MEGF11: variants seen among roughly 807,000 people sequenced by gnomAD.
The protein encoded by MEGF11 is multiple EGF like domains 11.
Under a neutral mutation model 146.6 loss-of-function variants are expected in MEGF11, and 126 were observed. The observed-to-expected ratio is 0.86, with a 90% CI of 0.74 to 1.00. The LOEUF (loss-of-function observed/expected upper bound fraction) is 1.00, where lower values mean the gene tolerates loss of function less well. Among genes scored for constraint, MEGF11 ranks in the 50% least tolerant of loss-of-function variants. The pLI, the probability that MEGF11 is intolerant of heterozygous loss-of-function variation, is 0.00. For missense variants in MEGF11, 1,509 were observed against 1,521.2 expected (o/e 0.99, Z 0.13); for synonymous variants, 532 against 583.4 (o/e 0.91, Z 1.27).
At chr15:65,916,664 GCCCCTGC>G (rs1567155081) in intron 17 of MEGF11, 157 bp downstream of exon 17, 1 of 1,244,134 alleles carries the variant, frequency 8.0e-7, no homozygotes, top group Non-Finnish European at 1.1e-6. Flanking sequence ...GTCTGGAGCT[GCCCCTGC>G]AGAGCTCCTC....
chr15:66,186,607 G>A (rs1402126391), intron 1 of MEGF11, among the ~76,000 whole-genome samples: 1 of 152,154 alleles, frequency 6.6e-6, no homozygotes, highest in African/African-American at 2.4e-5. Flanking sequence ...TCCATCTCTC[G>A]AGCCCCGGGC....
At position 66,073,246 on chromosome 15, in the gene MEGF11, C is replaced by T. The variant is rs538683456; in HGVS notation, c.394+21156G>A. On this transcript the variant is annotated intron_variant, in intron 5 of 25. Transcript: ENST00000395614. ...TTTACTGGGAGCTGGTCAAATAAAT[C>T]GGAAGTCTGGGATCTGAGCAGAATC... Among the ~76,000 whole-genome samples the T allele has an allele frequency of 4.6e-5, 7 of 152,282 alleles. No individual in the cohort carries two copies. The East Asian group carries it at 5.8e-4, about 13-fold the overall frequency.
intron 1 of MEGF11, 55 bp from the exon 2 acceptor site, chr15:66,128,466 CTACT>C: frequency 9.2e-7 from 1 of 1,085,270 alleles, no homozygotes; most frequent in South Asian, 2.4e-5. Flanking sequence ...TTCCTGGCAA[CTACT>C]TAGTTTCCCA....
intron 6 of MEGF11, among the ~76,000 whole-genome samples, 181 bp from the exon 7 acceptor site, chr15:65,981,079 T>C (rs1458821378): frequency 6.6e-6 from 1 of 152,162 alleles, no homozygotes; most frequent in Non-Finnish European, 1.5e-5. Flanking sequence ...ACTGAATACA[T>C]TGGAATGTAG....
In MEGF11 at chr15:65,913,898, C is replaced by G. The variant is rs2078902555; in HGVS notation, c.2549G>C (p.Gly850Ala). 1 of 1,613,906 alleles carries G rather than the reference C, an allele frequency of 6.2e-7. No individual in the cohort carries two copies. Among genetic ancestry groups the G allele is most frequent in the East Asian group, 2.2e-5 (1 of 44,880 alleles). ...PALGAERHSV[G>A]AVTGIMLLLF... ...CAGGAGCATGATGCCTGTGACAGCA[C>G]CCACCGAGTGCCGCTCTGCACCCAG... Residue 850 changes from glycine to alanine, a missense_variant, in exon 20 of 26, where the codon GGT becomes GCT. Gly to Ala is a moderately conservative substitution (Grantham distance 60). Transcript: ENST00000395614.
At chr15:66,251,465 T>C (rs927670951) in intron 1 of MEGF11, among the ~76,000 whole-genome samples, 1 of 152,206 alleles carries the variant, frequency 6.6e-6, no homozygotes, top group Non-Finnish European at 1.5e-5. Flanking sequence ...GGGCTCCATT[T>C]ACCCCCAGAG....
chr15:66,089,392 G>T (rs1413038179), intron 5 of MEGF11, among the ~76,000 whole-genome samples: 1 of 152,170 alleles, frequency 6.6e-6, no homozygotes, highest in South Asian at 2.1e-4. Context: ...ACACCAGTTT[G>T]GTGGAATACA....
chr15:65,976,968 G>C (rs1254208431), intron 7 of MEGF11, among the ~76,000 whole-genome samples: 1 of 152,076 alleles, frequency 6.6e-6, no homozygotes, highest in Non-Finnish European at 1.5e-5. Context: ...AGGAGATCGA[G>C]ACCGTCCTGT....
chr15:65,946,005 A>T (rs1434229498), intron 10 of MEGF11, among the ~76,000 whole-genome samples: 1 of 152,236 alleles, frequency 6.6e-6, no homozygotes, highest in Non-Finnish European at 1.5e-5. Flanking sequence ...CAAAATGGGA[A>T]TTACAATAGT....
chr15:66,179,864 C>T (rs1484325035), intron 1 of MEGF11, among the ~76,000 whole-genome samples: 2 of 115,234 alleles, frequency 1.7e-5, no homozygotes, highest in Non-Finnish European at 1.6e-5. Context: ...GACACACAAA[C>T]GGTGCCTAAC....
intron 4 of MEGF11, among the ~76,000 whole-genome samples, chr15:66,097,012 G>A (rs572906140): frequency 1.3e-5 from 2 of 152,256 alleles, no homozygotes; most frequent in Admixed American, 6.5e-5. Flanking sequence ...CAGCAGCTTC[G>A]GGGTCAGTTT....
rs59271335 is a variant in MEGF11 at position 66,002,856 on chromosome 15, T to C, written c.395-20368A>G. 4.1e-3 allele frequency among the ~76,000 whole-genome samples: 619 copies of C among 152,230 alleles called. 6 individuals are homozygous for C. The highest frequency in any genetic ancestry group is 0.014 in the African/African-American group (595 of 41,532). On this transcript the variant is annotated intron_variant, in intron 5 of 25. Transcript: ENST00000395614. ...CTGCAGAACCTGAGCAATCAGCTAG[T>C]CCAGTTCTCCCTTTTTGGGGTGAAG... is the stretch of plus-strand genomic sequence containing the variant.
At chr15:66,033,078 C>CAAAAAAAAAAAAAAA (rs60932678) in intron 5 of MEGF11, among the ~76,000 whole-genome samples, 25 of 80,610 alleles carry the variant, frequency 3.1e-4, no homozygotes, top group African/African-American at 1.2e-3. Context: ...GAGACTCCAT[C>CAAAAAAAAAAAAAAA]AAAAAAAAAA....
At chr15:66,048,826 T>C (rs2140336581) in intron 5 of MEGF11, among the ~76,000 whole-genome samples, 1 of 152,278 alleles carries the variant, frequency 6.6e-6, no homozygotes, top group East Asian at 1.9e-4. Context: ...CGCTATCCCC[T>C]TGTAGAAATT....
In MEGF11 at chr15:65,940,146, T is replaced by A. The variant is rs1389577861; in HGVS notation, c.1288-9203A>T. ...AAAGGGGCACAGGCTAGTCCCTCCCTACTTCCATGGGTTCTGCAGGCGGCC... is the reference window on the plus strand; with the variant it reads ...AAAGGGGCACAGGCTAGTCCCTCCCAACTTCCATGGGTTCTGCAGGCGGCC... On this transcript the variant is annotated intron_variant, in intron 10 of 25. Transcript: ENST00000395614. 2.0e-5 allele frequency among the ~76,000 whole-genome samples: 3 copies of A among 152,274 alleles called. No homozygotes were observed. The East Asian group carries it at 5.8e-4, about 29-fold the overall frequency.
chr15:66,149,494 C>T (rs1007302948), intron 1 of MEGF11, among the ~76,000 whole-genome samples: 4 of 152,126 alleles, frequency 2.6e-5, no homozygotes, highest in African/African-American at 9.7e-5. Flanking sequence ...GTGGTGGTGT[C>T]CATGGATCTC....
Position 65,982,400 on chromosome 15 carries a change from G to T in MEGF11, c.483C>A (p.Cys161Ter), listed in dbSNP as rs756786480. Residue 161 changes from cysteine (C) to a stop codon, truncating the protein, a stop_gained, in exon 6 of 26, where the codon TGC (cysteine) becomes TGA (stop). Transcript: ENST00000395614. LOFTEE classifies it high-confidence loss of function. The surrounding 1 kb of genome is among the most constrained non-coding windows in gnomAD (Gnocchi z 5.6). The part of the protein sequence containing the change: ...GALCNPITGA[C>*]VCAAGFRGWR... ...ATCCACGGAAGCCGGCGGCGCACAC[G>T]CAGGCGCCTGTGATGGGGTTACACA... 14 of 1,532,686 alleles carry T rather than the reference G, an allele frequency of 9.1e-6. No individual in the cohort carries two copies. Among genetic ancestry groups the T allele is most frequent in the Non-Finnish European group, 9.6e-6 (11 of 1,141,886 alleles). 94.9% of individuals were successfully genotyped at this position (1,532,686 alleles called of 1,614,324 possible). A position where few individuals can be genotyped will look rare whatever the true frequency, so the allele number is the denominator to read the frequency against.
At chr15:66,230,409 C>A (rs1283155890) in intron 1 of MEGF11, among the ~76,000 whole-genome samples, 1 of 152,168 alleles carries the variant, frequency 6.6e-6, no homozygotes, top group African/African-American at 2.4e-5. Flanking sequence ...AGCCCAGCTT[C>A]TTACAAATGG....
intron 5 of MEGF11, among the ~76,000 whole-genome samples, chr15:66,086,290 A>G (rs1190759889): frequency 6.6e-6 from 1 of 152,236 alleles, no homozygotes; most frequent in Non-Finnish European, 1.5e-5. Context: ...CTAGACATCC[A>G]AGTACAAGAA....
Sources: allele counts gnomAD v4.1 joint callset (sites outside exome capture counted in the v4.1 genomes callset), GRCh38; gene constraint gnomAD v4.1.1; non-coding constraint Gnocchi (gnomAD v3.1); transcripts MANE v1.5; gene names NCBI Gene and HGNC (gene_info 2026-07-23, HGNC 2026-07-21).